TRERF1: variants seen among roughly 807,000 people sequenced by gnomAD.
TRERF1 encodes transcriptional regulating factor 1.
A neutral mutation model predicts 122.9 loss-of-function variants in TRERF1; 27 were observed. The observed-to-expected ratio is 0.22, with a 90% CI of 0.16 to 0.30. The LOEUF (loss-of-function observed/expected upper bound fraction) is 0.30, where lower values mean the gene tolerates loss of function less well. Ranked by LOEUF, TRERF1 falls within the 10% of genes least tolerant of loss-of-function variation. The probability of loss-of-function intolerance (pLI) is 1.00; values close to 1 mark genes in which losing one functional copy is unlikely to be tolerated. For synonymous variants in TRERF1, 636 were observed against 641.7 expected (o/e 0.99, Z 0.13); for missense variants, 1,248 against 1,560.3 (o/e 0.80, Z 3.37).
chr6:42,262,603 G>C (rs866905125), intron 8 of TRERF1, among the ~76,000 whole-genome samples: 1 of 123,986 alleles, frequency 8.1e-6, no homozygotes, highest in East Asian at 2.3e-4. Flanking sequence ...GAGAGAGACA[G>C]ACAGACGGAA....
chr6:42,354,705 C>T (rs1770172162), intron 3 of TRERF1, among the ~76,000 whole-genome samples: 1 of 152,132 alleles, frequency 6.6e-6, no homozygotes, highest in Non-Finnish European at 1.5e-5. Flanking sequence ...GTTCACTAAT[C>T]TACTTCCTCC....
rs1258290384 is a variant in TRERF1, at chr6:42,276,239, A to T, written c.-258-6391T>A. On this transcript the variant is annotated intron_variant, in intron 4 of 17. Coordinates refer to ENST00000372922, the Ensembl canonical transcript of TRERF1. The surrounding 1 kb of genome is among the most constrained non-coding windows in gnomAD (Gnocchi z 4.3). Reference sequence around the variant, plus strand: ...GAACCAGAGACACAGACAGAGAGATACACCAGGAGAGGAAGTTGACTTTGG... The same window carrying T: ...GAACCAGAGACACAGACAGAGAGATTCACCAGGAGAGGAAGTTGACTTTGG... 6.6e-6 allele frequency among the ~76,000 whole-genome samples: 1 copy of T among 152,250 alleles called. No individual in the cohort carries two copies. The highest frequency in any genetic ancestry group is 1.5e-5 in the Non-Finnish European group (1 of 68,044).
At chr6:42,387,668 C>T (rs1418219953) in intron 2 of TRERF1, among the ~76,000 whole-genome samples, 1 of 152,184 alleles carries the variant, frequency 6.6e-6, no homozygotes, top group Admixed American at 6.6e-5. Flanking sequence ...CATTATAGTA[C>T]TTCAATAATC....
intron 2 of TRERF1, among the ~76,000 whole-genome samples, chr6:42,422,032 G>A (rs563943790): frequency 1.1e-4 from 17 of 151,012 alleles, no homozygotes; most frequent in South Asian, 4.2e-4. Context: ...TTAGCCAGGC[G>A]TGGTGGCGTG....
chr6:42,246,421 A>T, intron 14 of TRERF1, 35 bp downstream of exon 14: 1 of 1,454,030 alleles, frequency 6.9e-7, no homozygotes, highest in Non-Finnish European at 9.4e-7. Context: ...TCCCAAATTT[A>T]ATTTCAAGGG....
At chr6:42,311,659 G>A (rs915818517) in intron 3 of TRERF1, among the ~76,000 whole-genome samples, 1 of 151,416 alleles carries the variant, frequency 6.6e-6, no homozygotes, top group Non-Finnish European at 1.5e-5. Flanking sequence ...CTAGCTACTC[G>A]GGAGGCTGAG....
At chr6:42,250,992 C>CTTTTTTTTT (rs70987586) in intron 13 of TRERF1, among the ~76,000 whole-genome samples, 29 of 97,598 alleles carry the variant, frequency 3.0e-4, no homozygotes, top group Non-Finnish European at 3.5e-4. Context: ...TCTTTTGCTT[C>CTTTTTTTTT]TTTTTTTTTT....
chr6:42,376,635 C>T (rs570173734), intron 2 of TRERF1, among the ~76,000 whole-genome samples: 44 of 147,934 alleles, frequency 3.0e-4, no homozygotes, highest in Non-Finnish European at 5.0e-4. Context: ...GTCTGCCTCT[C>T]GGGTTCAAGC....
intron 3 of TRERF1, among the ~76,000 whole-genome samples, chr6:42,317,490 G>A (rs2150407916): frequency 6.6e-6 from 1 of 151,926 alleles, no homozygotes; most frequent in Non-Finnish European, 1.5e-5. Context: ...AAGAAGCTGG[G>A]ACTACAGGTG....
chr6:42,384,591 A>G (rs1201251789), intron 2 of TRERF1, among the ~76,000 whole-genome samples: 1 of 152,224 alleles, frequency 6.6e-6, no homozygotes, highest in Non-Finnish European at 1.5e-5. Flanking sequence ...CAAATTTTAT[A>G]TCATGTACAC....
chr6:42,237,408 G>T (rs1772505510), intron 15 of TRERF1, among the ~76,000 whole-genome samples: 6 of 152,144 alleles, frequency 3.9e-5, no homozygotes. Flanking sequence ...GCTCCTGCAG[G>T]CCCCAAAAGG....
At chr6:42,403,058 T>C (rs1206050544) in intron 2 of TRERF1, among the ~76,000 whole-genome samples, 2 of 151,578 alleles carry the variant, frequency 1.3e-5, no homozygotes, top group South Asian at 2.1e-4. Context: ...ATAAAGAAAG[T>C]ATTGGGGTGC....
At chr6:42,291,801 T>C (rs920904846) in intron 4 of TRERF1, among the ~76,000 whole-genome samples, 1 of 151,816 alleles carries the variant, frequency 6.6e-6, no homozygotes. Flanking sequence ...CGCCTCGGCC[T>C]CCCAAAGTGC....
At chr6:42,260,722 T>C (rs1199227685) in intron 8 of TRERF1, among the ~76,000 whole-genome samples, 1 of 152,092 alleles carries the variant, frequency 6.6e-6, no homozygotes, top group Non-Finnish European at 1.5e-5. Context: ...TGGAGACTCC[T>C]GAGCCCAGGG....
chr6:42,350,342 T>A (rs1158408902), intron 3 of TRERF1, among the ~76,000 whole-genome samples: 5 of 152,226 alleles, frequency 3.3e-5, no homozygotes, highest in Non-Finnish European at 7.3e-5. Flanking sequence ...TACATTTAAT[T>A]TCCCTGCGCC....
intron 2 of TRERF1, among the ~76,000 whole-genome samples, chr6:42,391,759 G>C (rs1042117380): frequency 6.6e-6 from 1 of 151,966 alleles, no homozygotes; most frequent in African/African-American, 2.4e-5. Context: ...AACATCTGTG[G>C]GCCCTCAGAA....
At chr6:42,290,629 AT>A (rs1042850096) in intron 4 of TRERF1, among the ~76,000 whole-genome samples, 2 of 148,662 alleles carry the variant, frequency 1.3e-5, no homozygotes, top group Non-Finnish European at 3.0e-5. Flanking sequence ...CCAGAACATC[AT>A]TTTTTTTAAT....
intron 2 of TRERF1, among the ~76,000 whole-genome samples, chr6:42,447,384 C>A (rs1253516023): frequency 6.6e-6 from 1 of 152,208 alleles, no homozygotes; most frequent in African/African-American, 2.4e-5. Flanking sequence ...CTTAAAAATG[C>A]CCACAGCACC....
At chr6:42,253,503 A>T (rs924803162) in intron 13 of TRERF1, among the ~76,000 whole-genome samples, 1 of 152,110 alleles carries the variant, frequency 6.6e-6, no homozygotes, top group Non-Finnish European at 1.5e-5. Context: ...ATTAGGGAGA[A>T]CTCCTACATC....
Sources: gnomAD v4.1 joint callset for allele counts (sites outside exome capture counted in the v4.1 genomes callset) on GRCh38, gnomAD v4.1.1 for gene constraint, Gnocchi (gnomAD v3.1) non-coding constraint, MANE v1.5 for transcripts, NCBI Gene and HGNC (gene_info 2026-07-23, HGNC 2026-07-21) for gene names.